The following DTNBP1 variants were observed in gnomAD, a reference collection of about 807,000 sequenced individuals.
DTNBP1 encodes the protein dysbindin.
In DTNBP1, 35 loss-of-function variants were observed where a neutral mutation model predicts 42.8. The ratio of observed to expected loss-of-function variants is 0.82; its 90% confidence interval spans 0.63 to 1.09. The LOEUF (loss-of-function observed/expected upper bound fraction) is 1.09, where lower values mean the gene tolerates loss of function less well. Ranked by LOEUF, DTNBP1 falls within the 50% of genes least tolerant of loss-of-function variation. The pLI, the probability that DTNBP1 is intolerant of heterozygous loss-of-function variation, is 0.00. For synonymous variants in DTNBP1, 171 were observed against 162.2 expected (o/e 1.05, Z -0.41); for missense variants, 457 against 424.2 (o/e 1.08, Z -0.68).
chr6:15,627,079 A>G (rs1413523319), intron 5 of DTNBP1, among the ~76,000 whole-genome samples: 1 of 152,218 alleles, frequency 6.6e-6, no homozygotes, highest in Non-Finnish European at 1.5e-5. Flanking sequence ...AATGTCAACA[A>G]AGACAACCTG....
At chr6:15,591,031 G>A (rs1176533424) in intron 7 of DTNBP1, among the ~76,000 whole-genome samples, 1 of 150,830 alleles carries the variant, frequency 6.6e-6, no homozygotes, top group Admixed American at 6.6e-5. Flanking sequence ...CAATATGTTC[G>A]AACAAACTTT....
intron 3 of DTNBP1, among the ~76,000 whole-genome samples, chr6:15,643,330 A>G (rs2113784162): frequency 6.6e-6 from 1 of 152,324 alleles, no homozygotes; most frequent in South Asian, 2.1e-4. Flanking sequence ...ACTTACTAGC[A>G]TTCCTGAGAG....
At chr6:15,581,585 C>A (rs1342258616) in intron 7 of DTNBP1, among the ~76,000 whole-genome samples, 3 of 148,932 alleles carry the variant, frequency 2.0e-5, no homozygotes, top group African/African-American at 7.4e-5. Context: ...GGTTCAAGCA[C>A]TTCTCCTGTC....
At chr6:15,583,145 T>A (rs1434123858) in intron 7 of DTNBP1, among the ~76,000 whole-genome samples, 1 of 152,138 alleles carries the variant, frequency 6.6e-6, no homozygotes, top group Non-Finnish European at 1.5e-5. Flanking sequence ...CATGCCCGGC[T>A]AATTTTTAAA....
At chr6:15,661,366 G>T (rs565867947) in intron 1 of DTNBP1, among the ~76,000 whole-genome samples, 35 of 151,470 alleles carry the variant, frequency 2.3e-4, no homozygotes, top group African/African-American at 7.0e-4. Context: ...TAAAAAAAAG[G>T]GGGGGAGGGT....
At chr6:15,643,808 A>G (rs1760518016) in intron 3 of DTNBP1, among the ~76,000 whole-genome samples, 1 of 152,240 alleles carries the variant, frequency 6.6e-6, no homozygotes, top group African/African-American at 2.4e-5. Context: ...TGGAAATGAA[A>G]GAATGATACC....
intron 3 of DTNBP1, among the ~76,000 whole-genome samples, chr6:15,649,376 C>T (rs1350658873): frequency 6.6e-6 from 1 of 152,098 alleles, no homozygotes. Context: ...ACTTTGAAAA[C>T]ATTATGCTAA....
chr6:15,641,487 C>T (rs1314571321), intron 3 of DTNBP1, among the ~76,000 whole-genome samples: 2 of 152,142 alleles, frequency 1.3e-5, no homozygotes, highest in Non-Finnish European at 2.9e-5. Flanking sequence ...CCTTACCCCT[C>T]CAACAATCTC....
At chr6:15,523,486 G>C (rs1234036211) in intron 9 of DTNBP1, 1 of 1,283,730 alleles carries the variant, frequency 7.8e-7, no homozygotes, top group Non-Finnish European at 1.0e-6. Context: ...GCTGTAATAC[G>C]CGTGTAATAG....
intron 7 of DTNBP1, among the ~76,000 whole-genome samples, chr6:15,558,899 G>A (rs755923749): frequency 5.3e-5 from 8 of 152,136 alleles, no homozygotes; most frequent in African/African-American, 1.4e-4. Context: ...AATAAATGTC[G>A]TTATGTTATA....
At chr6:15,596,689 A>G (rs1776529352) in intron 6 of DTNBP1, among the ~76,000 whole-genome samples, 1 of 152,124 alleles carries the variant, frequency 6.6e-6, no homozygotes, top group African/African-American at 2.4e-5. Flanking sequence ...CCTAGCTTTA[A>G]ATGCCATCCA....
At chr6:15,531,673 C>CA in intron 8 of DTNBP1, among the ~76,000 whole-genome samples, 1 of 152,234 alleles carries the variant, frequency 6.6e-6, no homozygotes, top group East Asian at 1.9e-4. Context: ...CTTGCTCTGT[C>CA]GCCAGGCTGG....
At chr6:15,551,833 A>G (rs1028351341) in intron 7 of DTNBP1, among the ~76,000 whole-genome samples, 1 of 152,238 alleles carries the variant, frequency 6.6e-6, no homozygotes, top group Non-Finnish European at 1.5e-5. Flanking sequence ...TAAACGCCAG[A>G]TATCAGGAGC....
chr6:15,653,433 C>G (rs1281488384), intron 1 of DTNBP1, among the ~76,000 whole-genome samples: 1 of 152,210 alleles, frequency 6.6e-6, no homozygotes, highest in Non-Finnish European at 1.5e-5. Flanking sequence ...AGCTCTCACT[C>G]ACTGCTTCTG....
At chr6:15,624,032 T>C (rs541297187) in intron 5 of DTNBP1, among the ~76,000 whole-genome samples, 1 of 152,352 alleles carries the variant, frequency 6.6e-6, no homozygotes, top group South Asian at 2.1e-4. Context: ...GTCAGCATCT[T>C]GATGGCAGGT....
chr6:15,528,668 G>T (rs1193516542), intron 8 of DTNBP1, among the ~76,000 whole-genome samples: 1 of 152,224 alleles, frequency 6.6e-6, no homozygotes, highest in African/African-American at 2.4e-5. Flanking sequence ...ATGTGCATAT[G>T]TGGCTGAGGA....
intron 7 of DTNBP1, among the ~76,000 whole-genome samples, chr6:15,535,988 T>C (rs1184104628): frequency 6.6e-6 from 1 of 152,204 alleles, no homozygotes; most frequent in Non-Finnish European, 1.5e-5. Context: ...AACCTTGAAC[T>C]TGAGAGCAAT....
chr6:15,522,862 G>A lies in DTNBP1; in HGVS notation c.*113C>T. 1 of 1,559,058 alleles carries A rather than the reference G, an allele frequency of 6.4e-7. No homozygotes were observed. Among genetic ancestry groups the A allele is most frequent in the Admixed American group, 1.7e-5 (1 of 59,458 alleles). On this transcript the variant is annotated 3_prime_UTR_variant, in exon 10 of 10. Coordinates refer to ENST00000344537, the MANE Select transcript of DTNBP1 (RefSeq NM_032122.5). ...TTCTTTAAGTTTCTCACACATTATT[G>A]GCAATTATGTAAAAATCAAGAACCT...
chr6:15,578,504 T>A (rs1775678856), intron 7 of DTNBP1, among the ~76,000 whole-genome samples: 1 of 152,170 alleles, frequency 6.6e-6, no homozygotes, highest in African/African-American at 2.4e-5. Context: ...AGGATGGAAT[T>A]TAACCAATTA....
Sources: gnomAD v4.1 joint callset for allele counts (sites outside exome capture counted in the v4.1 genomes callset) on GRCh38, gnomAD v4.1.1 for gene constraint, MANE v1.5 for transcripts, NCBI Gene and HGNC (gene_info 2026-07-23, HGNC 2026-07-21) for gene names.